The following RBM47 variants were observed in gnomAD, a reference collection of about 807,000 sequenced individuals.
The protein encoded by RBM47 is RNA binding motif protein 47, also known as RNA-binding protein 47.
In RBM47, 21 loss-of-function variants were observed where a neutral mutation model predicts 47.1. That is an observed-to-expected ratio of 0.45 (90% CI 0.32 to 0.64). RBM47 has a LOEUF of 0.64. Among genes scored for constraint, RBM47 ranks in the 30% least tolerant of loss-of-function variants. RBM47 has a pLI of 0.05. For synonymous variants in RBM47, 375 were observed against 361.7 expected (o/e 1.04, Z -0.42); for missense variants, 708 against 870.9 (o/e 0.81, Z 2.35).
intron 2 of RBM47, among the ~76,000 whole-genome samples, chr4:40,503,042 G>A (rs1723606996): frequency 6.6e-6 from 1 of 151,666 alleles, no homozygotes; most frequent in African/African-American, 2.4e-5. Flanking sequence ...GTTAAGCCTG[G>A]ACAGACAGAG....
intron 3 of RBM47, among the ~76,000 whole-genome samples, chr4:40,455,181 T>G (rs556038816): frequency 2.0e-5 from 3 of 152,322 alleles, no homozygotes; most frequent in African/African-American, 7.2e-5. Context: ...GTTAACATAT[T>G]CAAACTATGT....
intron 2 of RBM47, among the ~76,000 whole-genome samples, chr4:40,468,886 G>A (rs979371168): frequency 6.6e-6 from 1 of 152,194 alleles, no homozygotes; most frequent in African/African-American, 2.4e-5. Context: ...GATCATAGTG[G>A]TTGATAAAAA....
At chr4:40,538,227 G>A (rs1028191052) in intron 2 of RBM47, among the ~76,000 whole-genome samples, 3 of 152,136 alleles carry the variant, frequency 2.0e-5, no homozygotes, top group African/African-American at 2.4e-5. Context: ...TATACTCCCT[G>A]GCAAATCTGG....
chr4:40,426,302 G>A, intron 6 of RBM47, 159 bp from the exon 7 acceptor site: 1 of 907,872 alleles, frequency 1.1e-6, no homozygotes, highest in Non-Finnish European at 1.6e-6. Flanking sequence ...GTAAGCAAGT[G>A]GGAGAAGAGC....
chr4:40,579,423 G>GAAAAAAAAAAAAAAAAAAAAAAAA (rs10653342), intron 1 of RBM47, among the ~76,000 whole-genome samples: 1 of 102,010 alleles, frequency 9.8e-6, no homozygotes, highest in Admixed American at 1.3e-4. Flanking sequence ...CCCTGTCTCA[G>GAAAAAAAAAAAAAAAAAAAAAAAA]AAAAAAAAAA....
chr4:40,572,869 G>A (rs1731864206), intron 1 of RBM47, among the ~76,000 whole-genome samples: 1 of 151,764 alleles, frequency 6.6e-6, no homozygotes, highest in South Asian at 2.1e-4. Flanking sequence ...TTGCAGAAGT[G>A]GGCCGGATGC....
intron 2 of RBM47, among the ~76,000 whole-genome samples, chr4:40,494,609 C>T (rs1305397690): frequency 6.6e-6 from 1 of 152,118 alleles, no homozygotes; most frequent in Non-Finnish European, 1.5e-5. Flanking sequence ...AACAAAGCAC[C>T]GCATTGAGAC....
intron 1 of RBM47, among the ~76,000 whole-genome samples, chr4:40,591,738 TCA>T (rs947246980): frequency 9.2e-5 from 14 of 151,972 alleles, no homozygotes; most frequent in African/African-American, 2.2e-4. Flanking sequence ...GGGGAGAATT[TCA>T]CAGTTACCCT....
At chr4:40,481,558 C>CT (rs1353198149) in intron 2 of RBM47, among the ~76,000 whole-genome samples, 2,626 of 131,630 alleles carry the variant, frequency 0.02, 62 homozygotes, top group African/African-American at 0.052. Flanking sequence ...CATGATGTGG[C>CT]TTTTTTTTTT....
At chr4:40,620,278 C>A (rs1373086763) in intron 1 of RBM47, among the ~76,000 whole-genome samples, 1 of 149,154 alleles carries the variant, frequency 6.7e-6, no homozygotes, top group African/African-American at 2.5e-5. Context: ...GAGGTCAAGG[C>A]GGGCGGATCA....
intron 3 of RBM47, among the ~76,000 whole-genome samples, chr4:40,464,597 G>A (rs1487385271): frequency 6.6e-6 from 1 of 152,012 alleles, no homozygotes; most frequent in Non-Finnish European, 1.5e-5. Flanking sequence ...GCTGACTACT[G>A]TATATGAAAA....
intron 1 of RBM47, among the ~76,000 whole-genome samples, chr4:40,576,284 CT>C (rs1732324714): frequency 6.8e-6 from 1 of 146,574 alleles, no homozygotes; most frequent in East Asian, 2.0e-4. Flanking sequence ...GGGTCTCCCC[CT>C]GTCACCCACA....
intron 3 of RBM47, among the ~76,000 whole-genome samples, chr4:40,462,389 A>G (rs1717284165): frequency 6.6e-6 from 1 of 152,162 alleles, no homozygotes; most frequent in Non-Finnish European, 1.5e-5. Flanking sequence ...ATAGCCCACA[A>G]TTCCCAACAA....
chr4:40,432,203 T>TACACACACAC lies in RBM47; in HGVS notation c.1542+438_1542+447dup, dbSNP rs61008905. ...TGTTCTTTCTCTCTCTCTCTCTCTT[T>TACACACACAC]ACACACACACACACACACACACACA... On this transcript the variant is annotated intron_variant, in intron 6 of 6. Coordinates refer to ENST00000295971, the MANE Select transcript of RBM47 (RefSeq NM_001098634.2). Among the ~76,000 whole-genome samples the TACACACACAC allele has an allele frequency of 8.7e-3, 1,290 of 147,804 alleles. 22 individuals are homozygous for TACACACACAC. The highest frequency in any genetic ancestry group is 0.031 in the African/African-American group (1,223 of 39,702).
At chr4:40,583,997 G>C (rs967152496) in intron 1 of RBM47, among the ~76,000 whole-genome samples, 1 of 151,916 alleles carries the variant, frequency 6.6e-6, no homozygotes, top group Admixed American at 6.6e-5. Context: ...TTTGAGACAG[G>C]GTCTTGCTCT....
At chr4:40,496,406 A>G (rs968027404) in intron 2 of RBM47, among the ~76,000 whole-genome samples, 9 of 152,048 alleles carry the variant, frequency 5.9e-5, no homozygotes, top group Non-Finnish European at 1.2e-4. Context: ...CCTGGGCCGC[A>G]ATAGTTTTTA....
At chr4:40,577,359 C>T (rs1732437664) in intron 1 of RBM47, among the ~76,000 whole-genome samples, 1 of 152,100 alleles carries the variant, frequency 6.6e-6, no homozygotes, top group African/African-American at 2.4e-5. Context: ...AATGCCTGCT[C>T]ATGTTGTCAA....
chr4:40,536,718 T>TGTGG (rs59718734), intron 2 of RBM47, among the ~76,000 whole-genome samples: 2 of 148,494 alleles, frequency 1.3e-5, no homozygotes, highest in South Asian at 2.1e-4. Context: ...TGTGTGTGTG[T>TGTGG]TTTTGTTTTT....
intron 2 of RBM47, among the ~76,000 whole-genome samples, chr4:40,535,840 G>A (rs1014511579): frequency 2.6e-5 from 4 of 152,112 alleles, no homozygotes; most frequent in African/African-American, 9.7e-5. Context: ...TTACAGGCAT[G>A]AGCCACCACA....
Sources: gnomAD v4.1 joint callset for allele counts (sites outside exome capture counted in the v4.1 genomes callset) on GRCh38, gnomAD v4.1.1 for gene constraint, MANE v1.5 for transcripts, NCBI Gene and HGNC (gene_info 2026-07-23, HGNC 2026-07-21) for gene names.